Variants in CNOT10 observed in about 807,000 individuals in gnomAD.
CNOT10 encodes the protein CCR4-NOT transcription complex, subunit 10.
CNOT10 carries 30 observed loss-of-function variants against 94.6 expected under a neutral mutation model. The ratio of observed to expected loss-of-function variants is 0.32; its 90% CI spans 0.24 to 0.43. CNOT10 has a LOEUF of 0.43. CNOT10 is among the 20% of genes least tolerant of loss of function. The probability of loss-of-function intolerance (pLI) is 1.00; values close to 1 mark genes in which losing one functional copy is unlikely to be tolerated. For missense variants in CNOT10, 759 were observed against 877.2 expected (o/e 0.87, Z 1.70); for synonymous variants, 289 against 301.6 (o/e 0.96, Z 0.43).
chr3:32,730,842 A>C (rs1698909599), intron 10 of CNOT10: 1 of 152,212 alleles, frequency 6.6e-6, no homozygotes, highest in Non-Finnish European at 1.5e-5. Flanking sequence ...AATATGGGAA[A>C]AGATCTGCTA....
At position 32,712,747 on chromosome 3, in the gene CNOT10, A is replaced by G. The variant is rs536958523; in HGVS notation, c.431-480A>G. Among the ~76,000 whole-genome samples the G allele has an allele frequency of 2.0e-5, 3 of 152,228 alleles. No homozygotes were observed. The East Asian group carries it at 5.8e-4, about 29-fold the overall frequency. On this transcript the variant is annotated intron_variant, in intron 4 of 18. Transcript: ENST00000328834. ...CCAGCTACTCAGGAGGCTAAGGTGA[A>G]AGGATCTCTTGAGCCTAGTAGGCAG...
At chr3:32,746,360 T>C (rs1699700040) in intron 13 of CNOT10, among the ~76,000 whole-genome samples, 1 of 152,184 alleles carries the variant, frequency 6.6e-6, no homozygotes, top group Non-Finnish European at 1.5e-5. Flanking sequence ...TATTACATTG[T>C]AATATATAAT....
Position 32,725,520 on chromosome 3 carries a change from G to C in CNOT10, c.933G>C (p.Leu311Phe), listed in dbSNP as rs748214308. ...ATTTTGCCATGAGCAAGCACAATTTGGGAATATTCTACTTTAAAAAGGCTC... is the reference window on the plus strand; with the variant it reads ...ATTTTGCCATGAGCAAGCACAATTTCGGAATATTCTACTTTAAAAAGGCTC... ...CIHFAMSKHN[L>F]GIFYFKKALQ... Residue 311 changes from leucine to phenylalanine, a missense_variant, in exon 9 of 19, where the codon TTG (leucine) becomes TTC (phenylalanine). Coordinates refer to ENST00000328834, the MANE Select transcript of CNOT10 (RefSeq NM_015442.3). The C allele has an allele frequency of 5.0e-6, 8 of 1,613,806 alleles. No individual in the cohort carries two copies. The highest frequency in any genetic ancestry group is 6.8e-6 in the Non-Finnish European group (8 of 1,179,754).
chr3:32,742,984 CTTT>C (rs11425595), intron 13 of CNOT10, among the ~76,000 whole-genome samples: 5 of 122,700 alleles, frequency 4.1e-5, no homozygotes, highest in African/African-American at 3.1e-5. Flanking sequence ...GAATACTAAT[CTTT>C]TTTTTTTTTT....
intron 5 of CNOT10, among the ~76,000 whole-genome samples, chr3:32,714,317 T>C (rs551659978): frequency 6.6e-6 from 1 of 152,018 alleles, no homozygotes; most frequent in African/African-American, 2.4e-5. Context: ...TTTTATAGAA[T>C]TGAAAGATTG....
At chr3:32,689,363 A>AG in intron 1 of CNOT10, among the ~76,000 whole-genome samples, 1 of 151,888 alleles carries the variant, frequency 6.6e-6, no homozygotes, top group South Asian at 2.1e-4. Context: ...CAAAAAAAAA[A>AG]AAAAAGAAAA....
At chr3:32,755,462 G>C (rs1700189911) in intron 13 of CNOT10, among the ~76,000 whole-genome samples, 1 of 151,542 alleles carries the variant, frequency 6.6e-6, no homozygotes, top group South Asian at 2.1e-4. Flanking sequence ...TGGATCACAG[G>C]CATGTGCCAC....
chr3:32,769,201 G>A (rs1700791718), intron 17 of CNOT10: 1 of 152,288 alleles, frequency 6.6e-6, no homozygotes, highest in Admixed American at 6.5e-5. Flanking sequence ...AAAACTAGAT[G>A]GGGAAGTACA....
intron 1 of CNOT10, among the ~76,000 whole-genome samples, chr3:32,689,436 T>C (rs759851985): frequency 6.6e-6 from 1 of 151,946 alleles, no homozygotes; most frequent in Non-Finnish European, 1.5e-5. Context: ...AGAAGGGCTT[T>C]CTTAGAGTTG....
chr3:32,743,409 C>T (rs552751866), intron 13 of CNOT10, among the ~76,000 whole-genome samples: 15 of 152,154 alleles, frequency 9.9e-5, no homozygotes, highest in African/African-American at 3.1e-4. Context: ...GCAGGCAAAT[C>T]GCCTGAGGTC....
At chr3:32,767,539 CCTATGTGGCTT>C (rs1320067044) in intron 17 of CNOT10, among the ~76,000 whole-genome samples, 1 of 93,856 alleles carries the variant, frequency 1.1e-5, no homozygotes, top group Non-Finnish European at 2.3e-5. Flanking sequence ...AAAAAAAAAG[CCTATGTGGCTT>C]TCACATAGGT....
chr3:32,700,474 C>T (rs1048669256), intron 1 of CNOT10, among the ~76,000 whole-genome samples: 1 of 152,154 alleles, frequency 6.6e-6, no homozygotes, highest in African/African-American at 2.4e-5. Flanking sequence ...GTCTGTACGT[C>T]ACTGTGCAAC....
intron 13 of CNOT10, among the ~76,000 whole-genome samples, chr3:32,749,098 A>G (rs1282575367): frequency 6.6e-6 from 1 of 152,222 alleles, no homozygotes. Context: ...CTGGGATTAC[A>G]GGCATGAGCC....
At chr3:32,761,303 A>G (rs1700430489) in intron 14 of CNOT10, among the ~76,000 whole-genome samples, 2 of 152,294 alleles carry the variant, frequency 1.3e-5, no homozygotes, top group Middle Eastern at 3.4e-3. Flanking sequence ...TTCCGTCCTT[A>G]TCATTGCCCA....
chr3:32,699,391 T>C (rs1271449329), intron 1 of CNOT10, among the ~76,000 whole-genome samples: 2 of 152,242 alleles, frequency 1.3e-5, no homozygotes, highest in Non-Finnish European at 2.9e-5. Context: ...ATCAAATCTC[T>C]TGAAGAATAT....
chr3:32,749,274 G>T (rs1699852721), intron 13 of CNOT10, among the ~76,000 whole-genome samples: 1 of 152,018 alleles, frequency 6.6e-6, no homozygotes, highest in Non-Finnish European at 1.5e-5. Context: ...TATTTTTGTT[G>T]TTGCTTGTGC....
chr3:32,705,977 A>G (rs1697601192), intron 3 of CNOT10, among the ~76,000 whole-genome samples: 1 of 152,174 alleles, frequency 6.6e-6, no homozygotes, highest in African/African-American at 2.4e-5. Flanking sequence ...GCCTTATCTC[A>G]TATAATCCTC....
chr3:32,739,383 T>C (rs1476111441), intron 13 of CNOT10, among the ~76,000 whole-genome samples: 2 of 152,230 alleles, frequency 1.3e-5, no homozygotes, highest in African/African-American at 4.8e-5. Flanking sequence ...CTGGTTTATT[T>C]TGCTCTTTTT....
intron 18 of CNOT10, among the ~76,000 whole-genome samples, chr3:32,771,878 A>G (rs772081924): frequency 6.6e-6 from 1 of 152,218 alleles, no homozygotes; most frequent in Non-Finnish European, 1.5e-5. Flanking sequence ...TTGAACACAT[A>G]TTAACAAGTT....
Sources: allele counts gnomAD v4.1 joint callset (sites outside exome capture counted in the v4.1 genomes callset), GRCh38; gene constraint gnomAD v4.1.1; transcripts MANE v1.5; gene names NCBI Gene and HGNC (gene_info 2026-07-23, HGNC 2026-07-21).